The following UTP25 variants were observed in gnomAD, a reference collection of about 807,000 sequenced individuals.
UTP25 encodes U3 small nucleolar RNA-associated protein 25 homolog.
UTP25 carries 50 observed loss-of-function variants against 78.9 expected under a neutral mutation model. The observed-to-expected ratio is 0.63, with a 90% CI of 0.50 to 0.80. The LOEUF (loss-of-function observed/expected upper bound fraction) is 0.80. UTP25 is among the 30% of genes least tolerant of loss of function. UTP25 has a pLI of 0.00. For missense variants in UTP25, 846 were observed against 911.3 expected, an observed-to-expected ratio of 0.93 and a Z score of 0.92; for synonymous variants, 329 against 336.5, an observed-to-expected ratio of 0.98 and a Z score of 0.24.
At chr1:209,847,949 C>T (rs1421835826) in intron 11 of UTP25, among the ~76,000 whole-genome samples, 2 of 152,210 alleles carry the variant, frequency 1.3e-5, no homozygotes, top group African/African-American at 4.8e-5. Flanking sequence ...TTTTTCATGA[C>T]ATCGACATCT....
chr1:209,843,518 T>C lies in UTP25; in HGVS notation c.1849T>C (p.Tyr617His). ...RDAVMSHTLI[Y>H]IPSYFDFVRL... ...TGCAGTCATGTCTCACACGCTCATC[T>C]ATATCCCCTCCTACTTTGACTTCGT... Residue 617 changes from tyrosine (Y) to histidine (H), a missense_variant, in exon 11 of 12, where the codon TAT becomes CAT. Physicochemically the swap from Tyr to His is moderately conservative, Grantham distance 83. Transcript: ENST00000491415. 2 of 1,614,194 alleles carry C rather than the reference T, an allele frequency of 1.2e-6. No individual in the cohort carries two copies. Among genetic ancestry groups the C allele is most frequent in the Non-Finnish European group, 1.7e-6 (2 of 1,180,020 alleles).
chr1:209,850,004 A>G (rs753198107), intron 11 of UTP25, among the ~76,000 whole-genome samples: 1 of 152,140 alleles, frequency 6.6e-6, no homozygotes, highest in Non-Finnish European at 1.5e-5. Context: ...AAATCCTTCA[A>G]ATTAGCACCC....
intron 11 of UTP25, among the ~76,000 whole-genome samples, chr1:209,847,458 C>T (rs1433535979): frequency 6.6e-6 from 1 of 152,160 alleles, no homozygotes; most frequent in Non-Finnish European, 1.5e-5. Flanking sequence ...GACACTTCAC[C>T]CCTAAATATT....
Position 209,851,500 on chromosome 1 carries a change from A to G in UTP25, c.*53A>G, listed in dbSNP as rs2078238372. 3 of 1,538,326 alleles carry G rather than the reference A, an allele frequency of 2.0e-6. No individual in the cohort carries two copies. Among genetic ancestry groups the G allele is most frequent in the Admixed American group, 2.1e-5 (1 of 48,430 alleles). On this transcript the variant is annotated 3_prime_UTR_variant, in exon 12 of 12. Coordinates refer to ENST00000491415, the MANE Select transcript of UTP25 (RefSeq NM_014388.7). ...GGCATGATACATAATGTTTGATTCT[A>G]TGCCATTTGGACCCAATTCTGATTA...
At position 209,857,373 on chromosome 1, in the gene UTP25, T is replaced by C. The variant is rs927604909; in HGVS notation, c.*5926T>C. 5.9e-5 allele frequency: 9 copies of C among 152,116 alleles called. No homozygotes were observed. The East Asian group carries it at 1.7e-3, about 29-fold the overall frequency. The allele number at this position is 152,116 out of a possible 1,614,324, so 9.4% of individuals were successfully genotyped here. A position where few individuals can be genotyped will look rare whatever the true frequency, so the allele number is the denominator to read the frequency against. On this transcript the variant is annotated 3_prime_UTR_variant, in exon 12 of 12. Coordinates refer to ENST00000491415, the MANE Select transcript of UTP25 (RefSeq NM_014388.7). ...CTGAAAAGTTATTCTTTTAATCTTA[T>C]TAAAAAAGCAACCCATGCCCATTCC...
rs376487617 is a variant in UTP25, at chr1:209,828,201, C to A, written c.107+31C>A. 9.3e-5 allele frequency: 143 copies of A among 1,542,842 alleles called. 1 individual carries two copies. The South Asian group carries it at 1.4e-3, about 15-fold the overall frequency. On this transcript the variant is annotated intron_variant, in intron 1 of 11. Coordinates refer to ENST00000491415, the MANE Select transcript of UTP25 (RefSeq NM_014388.7). The stretch of plus-strand genomic sequence containing the variant: ...AAGGGGCGTGGCAGGGCTCCCCAGT[C>A]GCCAGAGATGTATCCTCGAGTTTGG...
intron 11 of UTP25, among the ~76,000 whole-genome samples, 159 bp from the exon 12 acceptor site, chr1:209,851,045 C>T (rs2078234572): frequency 6.6e-6 from 1 of 152,194 alleles, no homozygotes; most frequent in East Asian, 1.9e-4. Context: ...TATGTTGCCA[C>T]CTCAAGTTAG....
At chr1:209,832,941 A>C (rs981602416) in intron 3 of UTP25, among the ~76,000 whole-genome samples, 28 of 152,126 alleles carry the variant, frequency 1.8e-4, no homozygotes, top group African/African-American at 6.8e-4. Flanking sequence ...AAACATCCAA[A>C]ATAATGTTTG....
In UTP25 at chr1:209,840,558, G is replaced by A. The variant is rs142814302; in HGVS notation, c.1283-295G>A. 2.7e-3 allele frequency among the ~76,000 whole-genome samples: 407 copies of A among 152,280 alleles called. 2 individuals carry two copies. Among genetic ancestry groups the A allele is most frequent in the African/African-American group, 9.1e-3 (379 of 41,556 alleles). ...TCTGGAGTCCTGAGAATCAGAGGCC[G>A]GATTGCAGTGGAGTGAGAAGTGAAG... On this transcript the variant is annotated intron_variant, in intron 7 of 11. Coordinates refer to ENST00000491415, the MANE Select transcript of UTP25 (RefSeq NM_014388.7).
chr1:209,852,531 T>G lies in UTP25; in HGVS notation c.*1084T>G, dbSNP rs1436869733. The G allele has an allele frequency of 6.6e-6, 1 of 152,354 alleles. No homozygotes were observed. The highest frequency in any genetic ancestry group is 2.1e-4 in the South Asian group (1 of 4,832). 9.4% of individuals were successfully genotyped at this position (152,354 alleles called of 1,614,324 possible). A position where few individuals can be genotyped will look rare whatever the true frequency, so the allele number is the denominator to read the frequency against. On this transcript the variant is annotated 3_prime_UTR_variant, in exon 12 of 12. Transcript: ENST00000491415. Reference sequence around the variant, plus strand: ...GGGTTACGGTTTGTTACATCATTATTTCTTTAGATGCGTAACTGGTCTCAA... The same window carrying G: ...GGGTTACGGTTTGTTACATCATTATGTCTTTAGATGCGTAACTGGTCTCAA...
Position 209,852,790 on chromosome 1 carries a change from A to T in UTP25, c.*1343A>T, listed in dbSNP as rs546563616. 2 of 152,326 alleles carry T rather than the reference A, an allele frequency of 1.3e-5. No homozygotes were observed. The highest frequency in any genetic ancestry group is 1.3e-4 in the Admixed American group (2 of 15,298). 9.4% of individuals were successfully genotyped at this position (152,326 alleles called of 1,614,324 possible). ...ACTTGGGAATTGTGTACATGTATGCACACACATATGTACACACGTTGTCTA... is the reference window on the plus strand; with the variant it reads ...ACTTGGGAATTGTGTACATGTATGCTCACACATATGTACACACGTTGTCTA... On this transcript the variant is annotated 3_prime_UTR_variant, in exon 12 of 12. Transcript: ENST00000491415.
rs2078279995 is a variant in UTP25, at chr1:209,856,803, GTC to G, written c.*5360_*5361del. On this transcript the variant is annotated 3_prime_UTR_variant, in exon 12 of 12. Transcript: ENST00000491415. ...TGGCGTGAGGAGTGGGCACTCACAT[GTC>G]TCTGCTAGCAGTTCTGACGTGTCCA... 6.6e-6 allele frequency: 1 copy of G among 152,240 alleles called. No individual in the cohort carries two copies. The highest frequency in any genetic ancestry group is 1.5e-5 in the Non-Finnish European group (1 of 68,050). 9.4% of individuals were successfully genotyped at this position (152,240 alleles called of 1,614,324 possible). A position where few individuals can be genotyped will look rare whatever the true frequency, so the allele number is the denominator to read the frequency against.
chr1:209,828,246 G>A (rs1409578479), intron 1 of UTP25, 76 bp downstream of exon 1: 11 of 1,080,078 alleles, frequency 1.0e-5, no homozygotes, highest in Non-Finnish European at 1.4e-5. Context: ...CTCCCAGATA[G>A]TGCTGCTCCG....
At chr1:209,839,196 G>A in intron 7 of UTP25, 68 bp downstream of exon 7, 1 of 1,403,050 alleles carries the variant, frequency 7.1e-7, no homozygotes, top group Non-Finnish European at 9.8e-7. Flanking sequence ...CCAGAAGCTG[G>A]AATTAGATAT....
At chr1:209,850,437 C>CT (rs1427094417) in intron 11 of UTP25, among the ~76,000 whole-genome samples, 1 of 152,222 alleles carries the variant, frequency 6.6e-6, no homozygotes, top group Non-Finnish European at 1.5e-5. Flanking sequence ...CCAAGGGAGT[C>CT]TAACGTCTTC....
In UTP25 at chr1:209,832,816, G is replaced by A. The variant is rs557321944; in HGVS notation, c.389-369G>A. ...GAAAAATCACTTGAGCCCAAGAGGT[G>A]GAGGTTGCAGTGAGCCAAGATGACA... On this transcript the variant is annotated intron_variant, in intron 3 of 11. Transcript: ENST00000491415. Among the ~76,000 whole-genome samples, 19 of 152,304 alleles carry A rather than the reference G, an allele frequency of 1.2e-4. No individual in the cohort carries two copies. In the South Asian group the frequency reaches 3.7e-3, roughly 30 times the overall value.
At chr1:209,832,117 C>CT (rs945364379) in intron 3 of UTP25, among the ~76,000 whole-genome samples, 1 of 150,636 alleles carries the variant, frequency 6.6e-6, no homozygotes, top group African/African-American at 2.4e-5. Flanking sequence ...TTTTTCTTTG[C>CT]TTTTTTGGAT....
In UTP25 at chr1:209,831,942, C is replaced by T. The variant is rs372645169; in HGVS notation, c.388+899C>T. Among the ~76,000 whole-genome samples the T allele has an allele frequency of 3.5e-4, 53 of 151,844 alleles. 1 individual carries two copies. The highest frequency in any genetic ancestry group is 1.2e-3 in the African/African-American group (48 of 41,456). Reference sequence around the variant, plus strand: ...ATAGCATTCCATTGTCTGAATATAGCTGGGTGACTTTTTACTCATTATTTT... The same window carrying T: ...ATAGCATTCCATTGTCTGAATATAGTTGGGTGACTTTTTACTCATTATTTT... On this transcript the variant is annotated intron_variant, in intron 3 of 11. Transcript: ENST00000491415.
chr1:209,851,373 G>C lies in UTP25; in HGVS notation c.2197G>C (p.Val733Leu), dbSNP rs1224708430. Residue 733 changes from valine to leucine, a missense_variant, in exon 12 of 12, where the codon GTT (valine) becomes CTT (leucine). Val to Leu is a conservative substitution (Grantham distance 32). Transcript: ENST00000491415. The stretch of plus-strand genomic sequence containing the variant: ...TGATGCCCAGAGGTTAGCTGCCGTG[G>C]TTGGTGTGGAGCGGGCGGCACAGAT... ...KYDAQRLAAV[V>L]GVERAAQMLQ... 6.2e-7 allele frequency: 1 copy of C among 1,614,230 alleles called. No homozygotes were observed. The highest frequency in any genetic ancestry group is 2.2e-5 in the East Asian group (1 of 44,886).
Sources: gnomAD v4.1 joint callset for allele counts (sites outside exome capture counted in the v4.1 genomes callset) on GRCh38, gnomAD v4.1.1 for gene constraint, MANE v1.5 for transcripts, NCBI Gene and HGNC (gene_info 2026-07-23, HGNC 2026-07-21) for gene names.